The following MTHFD1L variants were observed in gnomAD, a reference collection of about 807,000 sequenced individuals.
The protein encoded by MTHFD1L is methylenetetrahydrofolate dehydrogenase (NADP+ dependent) 1 like.
In MTHFD1L, 81 loss-of-function variants were observed where a neutral mutation model predicts 119.5. That is an observed-to-expected ratio of 0.68 (90% CI 0.57 to 0.82). The LOEUF (loss-of-function observed/expected upper bound fraction) is 0.82, where lower values mean the gene tolerates loss of function less well. Among genes scored for constraint, MTHFD1L ranks in the 40% least tolerant of loss-of-function variants. The probability of loss-of-function intolerance (pLI) is 0.00; values close to 1 mark genes in which losing one functional copy is unlikely to be tolerated. For missense variants in MTHFD1L, 1,125 were observed against 1,253.4 expected (o/e 0.90, Z 1.55); for synonymous variants, 430 against 475.2 (o/e 0.90, Z 1.24).
rs772959995 is a variant in MTHFD1L at position 150,893,246 on chromosome 6, G to A, written c.780+5265G>A. On this transcript the variant is annotated intron_variant, in intron 7 of 27. Coordinates refer to ENST00000367321, the MANE Select transcript of MTHFD1L (RefSeq NM_015440.5). ...TGCCTGGCTAATTTTTATATTTTTA[G>A]TAGAGATGGAGTTTCGCCATGTTGG... is the stretch of plus-strand genomic sequence containing the variant. 7.9e-5 allele frequency among the ~76,000 whole-genome samples: 12 copies of A among 152,136 alleles called. No homozygotes were observed. In the East Asian group the frequency reaches 1.9e-3, roughly 25 times the overall value.
At chr6:150,944,383 G>C in intron 13 of MTHFD1L, 103 bp from the exon 14 acceptor site, 1 of 808,640 alleles carries the variant, frequency 1.2e-6, no homozygotes, top group South Asian at 1.6e-5. Context: ...AAGAGTTTGA[G>C]AATACAGTGA....
Position 150,944,470 on chromosome 6 carries a change from T to G in MTHFD1L, c.1441-16T>G. The stretch of plus-strand genomic sequence containing the variant: ...TTCTGAAAATAAATAAATAGAAAGA[T>G]ATCTTATTTCTCTAGTTCAACCTTC... On this transcript the variant is annotated splice_polypyrimidine_tract_variant and intron_variant, in intron 13 of 27. Coordinates refer to ENST00000367321, the MANE Select transcript of MTHFD1L (RefSeq NM_015440.5). The G allele has an allele frequency of 6.4e-7, 1 of 1,574,220 alleles. No individual in the cohort carries two copies. Among genetic ancestry groups the G allele is most frequent in the Non-Finnish European group, 8.7e-7 (1 of 1,146,970 alleles).
chr6:150,981,867 CT>C (rs554243957), intron 20 of MTHFD1L, among the ~76,000 whole-genome samples: 118 of 152,256 alleles, frequency 7.8e-4, no homozygotes, highest in African/African-American at 2.7e-3. Context: ...GGGAGGATTG[CT>C]TGAGCCCAGG....
Position 151,013,707 on chromosome 6 carries a change from G to C in MTHFD1L, c.2266-72G>C, listed in dbSNP as rs143754731. The stretch of plus-strand genomic sequence containing the variant: ...TCTAAAAATTGAATGTGATTATGTT[G>C]TTCTTTCTTTCAGATCGGTTGTGTA... On this transcript the variant is annotated intron_variant, in intron 21 of 27. Transcript: ENST00000367321. 1.0e-5 allele frequency: 14 copies of C among 1,341,082 alleles called. No homozygotes were observed. In the Admixed American group the frequency reaches 2.5e-4, roughly 24 times the overall value. The allele number at this position is 1,341,082 out of a possible 1,614,324, so 83.1% of individuals were successfully genotyped here.
intron 26 of MTHFD1L, among the ~76,000 whole-genome samples, chr6:151,079,018 G>A (rs11753585): frequency 0.049 from 7,531 of 152,222 alleles, 231 homozygotes; most frequent in Middle Eastern, 0.075. Context: ...ATACGTGAAC[G>A]TACTGAAAGC....
intron 26 of MTHFD1L, among the ~76,000 whole-genome samples, chr6:151,078,958 C>T (rs1222473807): frequency 1.3e-5 from 2 of 152,084 alleles, no homozygotes; most frequent in African/African-American, 4.8e-5. Flanking sequence ...GTTCAGTAGG[C>T]CTGCAGGATG....
rs945353100 is a variant in MTHFD1L, at chr6:150,866,348, C to T, written c.227+299C>T. ...GCCCGGCTCCACGTGCGCAGCCGGC[C>T]GCCGGCTCTGATGCAATCGCGCCGG... On this transcript the variant is annotated intron_variant, in intron 1 of 27. Transcript: ENST00000367321. 1.5e-5 allele frequency: 22 copies of T among 1,437,226 alleles called. No individual in the cohort carries two copies. The African/African-American group carries it at 2.1e-4, about 14-fold the overall frequency. 89.0% of individuals were successfully genotyped at this position (1,437,226 alleles called of 1,614,324 possible). A position where few individuals can be genotyped will look rare whatever the true frequency, so the allele number is the denominator to read the frequency against.
chr6:150,992,137 A>C (rs987712670), intron 20 of MTHFD1L, among the ~76,000 whole-genome samples: 1 of 152,168 alleles, frequency 6.6e-6, no homozygotes, highest in African/African-American at 2.4e-5. Context: ...AGTGAAGGGA[A>C]AGAGTGGACA....
At chr6:150,972,950 T>A (rs187643738) in intron 20 of MTHFD1L, among the ~76,000 whole-genome samples, 120 of 152,340 alleles carry the variant, frequency 7.9e-4, no homozygotes, top group African/African-American at 2.7e-3. Flanking sequence ...TCATAGAGTT[T>A]ACTAAGTCAG....
chr6:150,893,578 C>A (rs1474396623), intron 7 of MTHFD1L, among the ~76,000 whole-genome samples: 1 of 152,220 alleles, frequency 6.6e-6, no homozygotes, highest in Non-Finnish European at 1.5e-5. Context: ...AAGACCCCCC[C>A]ATCCCCTCAA....
At chr6:150,937,250 G>A (rs902101604) in intron 12 of MTHFD1L, among the ~76,000 whole-genome samples, 3 of 152,100 alleles carry the variant, frequency 2.0e-5, no homozygotes, top group Non-Finnish European at 2.9e-5. Context: ...CTTGAAACAC[G>A]GCCATCCATA....
At chr6:150,927,582 G>A (rs541634157) in intron 11 of MTHFD1L, among the ~76,000 whole-genome samples, 59 of 151,268 alleles carry the variant, frequency 3.9e-4, no homozygotes, top group Middle Eastern at 6.8e-3. Flanking sequence ...TCAGCCTCCC[G>A]AGTAGCTGGG....
chr6:151,071,690 A>G (rs976710106), intron 26 of MTHFD1L, among the ~76,000 whole-genome samples: 2 of 152,200 alleles, frequency 1.3e-5, no homozygotes, highest in Non-Finnish European at 2.9e-5. Flanking sequence ...CGGAGCAGTA[A>G]CTAAAGAATC....
At chr6:151,073,506 A>C (rs749111217) in intron 26 of MTHFD1L, among the ~76,000 whole-genome samples, 8 of 152,234 alleles carry the variant, frequency 5.3e-5, no homozygotes, top group Non-Finnish European at 1.0e-4. Flanking sequence ...AAAGTCAATC[A>C]AAACTAACCC....
intron 19 of MTHFD1L, among the ~76,000 whole-genome samples, chr6:150,965,463 G>C (rs548790738): frequency 1.3e-5 from 2 of 151,788 alleles, no homozygotes; most frequent in Non-Finnish European, 2.9e-5. Context: ...GTTCAAGACC[G>C]GCCTGACCAA....
At chr6:150,909,015 T>C (rs1786409010) in intron 8 of MTHFD1L, among the ~76,000 whole-genome samples, 1 of 152,092 alleles carries the variant, frequency 6.6e-6, no homozygotes, top group Non-Finnish European at 1.5e-5. Flanking sequence ...ACAGAGTCCC[T>C]CCTCCTTACC....
chr6:150,900,507 C>T lies in MTHFD1L; in HGVS notation c.781-5143C>T, dbSNP rs573949176. Among the ~76,000 whole-genome samples, 14 of 152,262 alleles carry T rather than the reference C, an allele frequency of 9.2e-5. No individual in the cohort carries two copies. The East Asian group carries it at 2.1e-3, about 23-fold the overall frequency. On this transcript the variant is annotated intron_variant, in intron 7 of 27. Coordinates refer to ENST00000367321, the MANE Select transcript of MTHFD1L (RefSeq NM_015440.5). ...ACCATCACCTAAATGCTGTGTGTCCCGACCCGCATCCGCATGCTCCCAGGC... is the reference window on the plus strand; with the variant it reads ...ACCATCACCTAAATGCTGTGTGTCCTGACCCGCATCCGCATGCTCCCAGGC...
chr6:151,053,127 A>G (rs1008509979), intron 26 of MTHFD1L, among the ~76,000 whole-genome samples: 5 of 152,250 alleles, frequency 3.3e-5, no homozygotes, highest in African/African-American at 1.2e-4. Context: ...TGTTTGAGAT[A>G]CCATGCAGTA....
chr6:150,898,924 G>A, intron 7 of MTHFD1L: 1 of 1,033,176 alleles, frequency 9.7e-7, no homozygotes, highest in South Asian at 2.5e-5. Context: ...TGCAAGCTCT[G>A]CCTCCCAGGT....
Sources: allele counts gnomAD v4.1 joint callset (sites outside exome capture counted in the v4.1 genomes callset), GRCh38; gene constraint gnomAD v4.1.1; transcripts MANE v1.5; gene names NCBI Gene and HGNC (gene_info 2026-07-23, HGNC 2026-07-21).